Variants in ADD3 observed in about 807,000 individuals in gnomAD.
ADD3 encodes gamma-adducin.
A neutral mutation model predicts 80.2 loss-of-function variants in ADD3; 25 were observed. The ratio of observed to expected loss-of-function variants is 0.31; its 90% CI spans 0.23 to 0.44. The LOEUF is 0.44. ADD3 is among the 20% of genes least tolerant of loss of function. ADD3 has a pLI of 1.00. For synonymous variants in ADD3, 284 were observed against 289.6 expected, an observed-to-expected ratio of 0.98 and a Z score of 0.20; for missense variants, 829 against 847.5, an observed-to-expected ratio of 0.98 and a Z score of 0.27.
In ADD3 at chr10:110,057,952, C is replaced by A. The variant is rs182637634; in HGVS notation, c.-29-42673C>A. 9.9e-5 allele frequency among the ~76,000 whole-genome samples: 15 copies of A among 152,250 alleles called. No homozygotes were observed. In the East Asian group the frequency reaches 2.9e-3, roughly 29 times the overall value. On this transcript the variant is annotated intron_variant, in intron 1 of 14. Transcript: ENST00000356080. ...ATTTTCAAAAATTATAGATAAAAAT[C>A]TTTGCATGAATATCAAGTGGAAATA...
chr10:110,083,052 A>G (rs1846260699), intron 1 of ADD3, among the ~76,000 whole-genome samples: 1 of 152,206 alleles, frequency 6.6e-6, no homozygotes, highest in Non-Finnish European at 1.5e-5. Flanking sequence ...CTTATTGAGT[A>G]ACTCTAAGTG....
intron 9 of ADD3, among the ~76,000 whole-genome samples, chr10:110,122,709 C>T (rs1253539302): frequency 1.3e-5 from 2 of 151,618 alleles, no homozygotes; most frequent in East Asian, 3.9e-4. Context: ...GCAGTCTCAA[C>T]CTGCTGGGCT....
intron 1 of ADD3, among the ~76,000 whole-genome samples, chr10:110,021,086 A>C (rs1853617898): frequency 6.6e-6 from 1 of 152,198 alleles, no homozygotes; most frequent in Admixed American, 6.5e-5. Context: ...TGACTAGAAT[A>C]AGCTTTGCTC....
intron 2 of ADD3, among the ~76,000 whole-genome samples, chr10:110,103,474 A>G (rs1049060252): frequency 6.6e-6 from 1 of 152,206 alleles, no homozygotes; most frequent in Admixed American, 6.5e-5. Flanking sequence ...AAAGACCACA[A>G]TTCCTTGCCA....
intron 2 of ADD3, among the ~76,000 whole-genome samples, chr10:110,109,723 T>C (rs2134024725): frequency 6.6e-6 from 1 of 152,342 alleles, no homozygotes; most frequent in East Asian, 1.9e-4. Context: ...TGTCCAGAAG[T>C]TTTCTGTACT....
chr10:110,087,404 C>T (rs186777420), intron 1 of ADD3, among the ~76,000 whole-genome samples: 82 of 152,316 alleles, frequency 5.4e-4, no homozygotes, highest in African/African-American at 1.9e-3. Flanking sequence ...GATTTAGTAA[C>T]TGCTTTAACA....
chr10:110,034,002 A>ATT (rs562835234), intron 1 of ADD3, among the ~76,000 whole-genome samples: 130 of 152,350 alleles, frequency 8.5e-4, no homozygotes, highest in African/African-American at 3.0e-3. Flanking sequence ...AAGTACAGCA[A>ATT]TTAAGTACAG....
chr10:110,098,978 G>C (rs911196935), intron 1 of ADD3, among the ~76,000 whole-genome samples: 1 of 151,840 alleles, frequency 6.6e-6, no homozygotes, highest in Admixed American at 6.6e-5. Flanking sequence ...GGAATGCAGT[G>C]GTGTGATCAT....
rs551469041 is a variant in ADD3 at position 110,083,713 on chromosome 10, T to G, written c.-29-16912T>G. On this transcript the variant is annotated intron_variant, in intron 1 of 14. Coordinates refer to ENST00000356080, the MANE Select transcript of ADD3 (RefSeq NM_016824.5). ...AGTATTTTTTAAAGATGGGACTTCCTGGATGCTTTTTTATTTCCTTGGGGC... is the reference window on the plus strand; with the variant it reads ...AGTATTTTTTAAAGATGGGACTTCCGGGATGCTTTTTTATTTCCTTGGGGC... 6.2e-4 allele frequency among the ~76,000 whole-genome samples: 95 copies of G among 152,300 alleles called. 1 individual carries two copies. Among genetic ancestry groups the G allele is most frequent in the South Asian group, 3.5e-3 (17 of 4,826 alleles).
intron 1 of ADD3, among the ~76,000 whole-genome samples, chr10:110,076,447 A>G (rs940402105): frequency 1.3e-5 from 2 of 152,198 alleles, no homozygotes; most frequent in African/African-American, 4.8e-5. Context: ...GTACATTTCA[A>G]TATTCTACCA....
At chr10:110,063,735 CATTA>C (rs1843491963) in intron 1 of ADD3, among the ~76,000 whole-genome samples, 2 of 52,044 alleles carry the variant, frequency 3.8e-5, no homozygotes, top group African/African-American at 1.4e-4. Flanking sequence ...TATATATATT[CATTA>C]TATATATATA....
Position 110,126,631 on chromosome 10 carries a change from T to G in ADD3, c.1608+128T>G, listed in dbSNP as rs541275627. ...AAGTTAAAAAGTCAACTCACAAGAT[T>G]TAAAATGTCACCCACAATTCCCAGT... On this transcript the variant is annotated intron_variant, in intron 12 of 14. Coordinates refer to ENST00000356080, the MANE Select transcript of ADD3 (RefSeq NM_016824.5). The G allele has an allele frequency of 1.9e-4, 131 of 681,630 alleles. No homozygotes were observed. The African/African-American group carries it at 2.2e-3, about 11-fold the overall frequency. The allele number at this position is 681,630 out of a possible 1,614,324, so 42.2% of individuals were successfully genotyped here. A position where few individuals can be genotyped will look rare whatever the true frequency, so the allele number is the denominator to read the frequency against.
At chr10:110,127,526 A>G (rs2134203132) in intron 12 of ADD3, among the ~76,000 whole-genome samples, 1 of 152,354 alleles carries the variant, frequency 6.6e-6, no homozygotes, top group Middle Eastern at 3.4e-3. Flanking sequence ...CTGAGGCAGG[A>G]GAATCACTCG....
At chr10:110,078,153 A>G (rs889622620) in intron 1 of ADD3, among the ~76,000 whole-genome samples, 3 of 152,220 alleles carry the variant, frequency 2.0e-5, no homozygotes, top group African/African-American at 7.2e-5. Flanking sequence ...GCTGACTTCT[A>G]ACTTCATAAG....
At chr10:110,031,431 A>G (rs893491257) in intron 1 of ADD3, among the ~76,000 whole-genome samples, 2 of 152,236 alleles carry the variant, frequency 1.3e-5, no homozygotes, top group African/African-American at 4.8e-5. Context: ...ATTCAGATAC[A>G]TTGTGACTTT....
At chr10:110,086,429 AC>A (rs1846757652) in intron 1 of ADD3, among the ~76,000 whole-genome samples, 1 of 152,044 alleles carries the variant, frequency 6.6e-6, no homozygotes, top group Non-Finnish European at 1.5e-5. Flanking sequence ...ACAACAAAAA[AC>A]AGGCTTGATA....
At chr10:110,100,066 C>A (rs1387529636) in intron 1 of ADD3, among the ~76,000 whole-genome samples, 1 of 151,940 alleles carries the variant, frequency 6.6e-6, no homozygotes, top group Non-Finnish European at 1.5e-5. Context: ...CACTTCAGCC[C>A]AGCTGGGCAC....
intron 1 of ADD3, among the ~76,000 whole-genome samples, chr10:110,050,532 A>C (rs927753389): frequency 1.4e-5 from 2 of 138,548 alleles, no homozygotes; most frequent in African/African-American, 5.5e-5. Flanking sequence ...TTTTTTCCTG[A>C]AGCGGAGTCT....
intron 1 of ADD3, among the ~76,000 whole-genome samples, chr10:110,059,011 A>G (rs772709468): frequency 6.6e-6 from 1 of 152,260 alleles, no homozygotes; most frequent in Non-Finnish European, 1.5e-5. Context: ...TAAAAATTAC[A>G]TTAGATCCAT....
Sources: allele counts gnomAD v4.1 joint callset (sites outside exome capture counted in the v4.1 genomes callset), GRCh38; gene constraint gnomAD v4.1.1; transcripts MANE v1.5; gene names NCBI Gene and HGNC (gene_info 2026-07-23, HGNC 2026-07-21).